SLC16A7: variants seen among roughly 807,000 people sequenced by gnomAD.
The protein encoded by SLC16A7 is solute carrier family 16 member 7.
A neutral mutation model predicts 34.9 loss-of-function variants in SLC16A7; 33 were observed. The observed-to-expected ratio is 0.94, with a 90% confidence interval of 0.72 to 1.26. The LOEUF is 1.26. Ranked by LOEUF, SLC16A7 falls within the 50% of genes most tolerant of loss-of-function variation. SLC16A7 has a pLI of 0.00. For synonymous variants in SLC16A7, 201 were observed against 206.6 expected, an observed-to-expected ratio of 0.97 and a Z score of 0.23; for missense variants, 573 against 578.1, an observed-to-expected ratio of 0.99 and a Z score of 0.09.
chr12:59,763,707 G>A (rs1391327815), intron 3 of SLC16A7, among the ~76,000 whole-genome samples: 1 of 152,142 alleles, frequency 6.6e-6, no homozygotes, highest in Non-Finnish European at 1.5e-5. Flanking sequence ...CCTGCCTTCA[G>A]AAACTCTGTT....
rs1381130399 is a variant in SLC16A7 at position 59,780,993 on chromosome 12, T to C, written c.*1314T>C. On this transcript the variant is annotated 3_prime_UTR_variant, in exon 6 of 6. Coordinates refer to ENST00000547379, the MANE Select transcript of SLC16A7 (RefSeq NM_001270623.2). ...TGGACATAACTAAGCCAGGAAACTTTAAAAGCCTTCTAGAAATAGAGGCAC... is the reference window on the plus strand; with the variant it reads ...TGGACATAACTAAGCCAGGAAACTTCAAAAGCCTTCTAGAAATAGAGGCAC... 1 of 152,132 alleles carries C rather than the reference T, an allele frequency of 6.6e-6. No homozygotes were observed. The highest frequency in any genetic ancestry group is 1.5e-5 in the Non-Finnish European group (1 of 68,006). The allele number at this position is 152,132 out of a possible 1,614,324, so 9.4% of individuals were successfully genotyped here. A position where few individuals can be genotyped will look rare whatever the true frequency, so the allele number is the denominator to read the frequency against.
chr12:59,726,984 A>G (rs1313874477), intron 3 of SLC16A7, among the ~76,000 whole-genome samples: 1 of 151,992 alleles, frequency 6.6e-6, no homozygotes, highest in Non-Finnish European at 1.5e-5. Flanking sequence ...TAGTAATTAT[A>G]CTAAATTCAT....
At chr12:59,685,232 A>T (rs1041602288) in intron 2 of SLC16A7, among the ~76,000 whole-genome samples, 7 of 152,196 alleles carry the variant, frequency 4.6e-5, no homozygotes, top group Non-Finnish European at 8.8e-5. Flanking sequence ...CAACTTCATT[A>T]TCAGTGTTTA....
At chr12:59,767,949 G>C (rs1260791648) in intron 3 of SLC16A7, among the ~76,000 whole-genome samples, 1 of 134,750 alleles carries the variant, frequency 7.4e-6, no homozygotes, top group South Asian at 2.6e-4. Flanking sequence ...GTCGTGGGGT[G>C]GGGGGAAGGG....
At chr12:59,639,205 G>C (rs146264376) in intron 1 of SLC16A7, among the ~76,000 whole-genome samples, 1 of 151,982 alleles carries the variant, frequency 6.6e-6, no homozygotes, top group Non-Finnish European at 1.5e-5. Flanking sequence ...CGCATTGTTT[G>C]GCTCCTTTCT....
intron 1 of SLC16A7, among the ~76,000 whole-genome samples, chr12:59,647,406 T>C (rs1353842136): frequency 1.3e-5 from 2 of 152,184 alleles, no homozygotes; most frequent in Non-Finnish European, 2.9e-5. Flanking sequence ...TCTGCTGCCA[T>C]GTGAAGAAGG....
intron 3 of SLC16A7, among the ~76,000 whole-genome samples, chr12:59,718,156 C>A (rs1875140865): frequency 6.6e-6 from 1 of 152,106 alleles, no homozygotes; most frequent in Admixed American, 6.6e-5. Context: ...TTCAATGGTA[C>A]TTATGTAATA....
chr12:59,657,449 G>T (rs1475815511), intron 2 of SLC16A7, among the ~76,000 whole-genome samples: 1 of 151,974 alleles, frequency 6.6e-6, no homozygotes, highest in Non-Finnish European at 1.5e-5. Flanking sequence ...TATCTTGGTA[G>T]TAGGGAAAGT....
intron 3 of SLC16A7, among the ~76,000 whole-genome samples, chr12:59,717,518 C>CA (rs1039506234): frequency 6.6e-6 from 1 of 152,106 alleles, no homozygotes; most frequent in Non-Finnish European, 1.5e-5. Flanking sequence ...TCTGTTGTGG[C>CA]AAAAATATTA....
intron 2 of SLC16A7, chr12:59,689,569 A>G (rs891855100): frequency 7.9e-5 from 12 of 151,978 alleles, no homozygotes; most frequent in Non-Finnish European, 1.3e-4. Flanking sequence ...GAATCTCATC[A>G]TTGATATCAG....
At chr12:59,598,093 G>A (rs1878508914) in intron 1 of SLC16A7, among the ~76,000 whole-genome samples, 1 of 152,068 alleles carries the variant, frequency 6.6e-6, no homozygotes, top group African/African-American at 2.4e-5. Flanking sequence ...CCTGGATCAC[G>A]GATCTGAAAT....
intron 2 of SLC16A7, among the ~76,000 whole-genome samples, chr12:59,661,657 C>T (rs1250366131): frequency 4.6e-5 from 7 of 152,048 alleles, no homozygotes; most frequent in Non-Finnish European, 8.8e-5. Flanking sequence ...TAATTCTTTT[C>T]CATTAGTGAG....
chr12:59,765,857 C>T (rs1242571215), intron 3 of SLC16A7, among the ~76,000 whole-genome samples: 3 of 152,034 alleles, frequency 2.0e-5, no homozygotes, highest in Non-Finnish European at 4.4e-5. Flanking sequence ...TAGTTTTTTC[C>T]AATTCTGTGA....
intron 2 of SLC16A7, among the ~76,000 whole-genome samples, chr12:59,702,602 CT>C (rs767001850): frequency 2.0e-4 from 31 of 151,964 alleles, no homozygotes; most frequent in Non-Finnish European, 3.8e-4. Flanking sequence ...TGGTTAAAGC[CT>C]TTCATTTGAC....
chr12:59,734,860 A>G (rs1174720391), intron 3 of SLC16A7, among the ~76,000 whole-genome samples: 2 of 152,248 alleles, frequency 1.3e-5, no homozygotes, highest in Non-Finnish European at 2.9e-5. Context: ...CATTAGGTAT[A>G]TAGCTATATT....
At chr12:59,657,746 C>G (rs889590065) in intron 2 of SLC16A7, among the ~76,000 whole-genome samples, 3 of 151,938 alleles carry the variant, frequency 2.0e-5, no homozygotes, top group Admixed American at 6.6e-5. Context: ...GTGTTACATA[C>G]CTCCTAATGC....
chr12:59,661,058 T>C (rs1191558751), intron 2 of SLC16A7, among the ~76,000 whole-genome samples: 2 of 152,090 alleles, frequency 1.3e-5, no homozygotes, highest in Admixed American at 1.3e-4. Context: ...TTATAACATA[T>C]TCTCTGTTAT....
At chr12:59,615,271 T>C (rs1879395703) in intron 1 of SLC16A7, among the ~76,000 whole-genome samples, 1 of 152,116 alleles carries the variant, frequency 6.6e-6, no homozygotes, top group African/African-American at 2.4e-5. Context: ...GTGGTATTGT[T>C]TTTATAGCAG....
At chr12:59,730,640 A>G (rs562441130) in intron 3 of SLC16A7, among the ~76,000 whole-genome samples, 3 of 152,318 alleles carry the variant, frequency 2.0e-5, no homozygotes, top group South Asian at 4.1e-4. Flanking sequence ...AGGACATTTT[A>G]TCTGAGTATC....
Sources: gnomAD v4.1 joint callset for allele counts (sites outside exome capture counted in the v4.1 genomes callset) on GRCh38, gnomAD v4.1.1 for gene constraint, MANE v1.5 for transcripts, NCBI Gene and HGNC (gene_info 2026-07-23, HGNC 2026-07-21) for gene names.